The following CLN6 variants were observed in gnomAD, a reference collection of about 807,000 sequenced individuals.
CLN6 encodes the protein ceroid-lipofuscinosis neuronal protein 6.
CLN6 carries 22 observed loss-of-function variants against 33.3 expected under a neutral mutation model. The observed-to-expected ratio is 0.66, with a 90% confidence interval of 0.47 to 0.94. The LOEUF is 0.94. Ranked by LOEUF, CLN6 falls within the 40% of genes least tolerant of loss-of-function variation. CLN6 has a pLI of 0.00. For synonymous variants in CLN6, 201 were observed against 174.6 expected (o/e 1.15, Z -1.19); for missense variants, 387 against 417.1 (o/e 0.93, Z 0.63).
At chr15:68,254,460 G>A (rs912968442) in intron 1 of CLN6, 28 of 308,734 alleles carry the variant, frequency 9.1e-5, no homozygotes, top group Non-Finnish European at 1.6e-4. Context: ...ACACACTGGA[G>A]TTTGAAGACT....
intron 1 of CLN6, among the ~76,000 whole-genome samples, chr15:68,224,304 G>C (rs113483911): frequency 9.8e-4 from 135 of 137,774 alleles, no homozygotes; most frequent in Middle Eastern, 4.9e-3. Context: ...GGCACACAGA[G>C]TGGACACTCA....
rs1003606439 is a variant in CLN6 at position 68,218,610 on chromosome 15, G to C, written c.124C>G (p.Pro42Ala). 4 of 1,613,960 alleles carry C rather than the reference G, an allele frequency of 2.5e-6. No homozygotes were observed. Among genetic ancestry groups the C allele is most frequent in the Non-Finnish European group, 3.4e-6 (4 of 1,179,964 alleles). The change falls in exon 2 of 7, where the codon CCC becomes GCC. Residue 42 changes from proline (P) to alanine (A), a missense_variant. Coordinates refer to ENST00000249806, the MANE Select transcript of CLN6 (RefSeq NM_017882.3). ...TAGAACCAGAGGTCGAGGTGGAAGG[G>C]AGCCGTGCGGGCAGCCTCATCAGCG... ...VSADEAARTA[P>A]FHLDLWFYFT...
chr15:68,233,997 T>G (rs1046019139), upstream of CLN6, among the ~76,000 whole-genome samples: 1 of 152,166 alleles, frequency 6.6e-6, no homozygotes, highest in Non-Finnish European at 1.5e-5. The surrounding 1 kb of genome is among the most constrained non-coding windows in gnomAD (Gnocchi z 4.3). Flanking sequence ...CAGATTCTTG[T>G]GGTTGTGATT....
At position 68,246,024 on chromosome 15, in the gene CLN6, A is replaced by G. The variant is rs1892326537; in HGVS notation, c.179+10666T>C. Among the ~76,000 whole-genome samples the G allele has an allele frequency of 6.6e-6, 1 of 152,198 alleles. No homozygotes were observed. Among genetic ancestry groups the G allele is most frequent in the South Asian group, 2.1e-4 (1 of 4,834 alleles). ...AGTTTAGCAAGAGGATATAACAATT[A>G]TAAGTATCTATGCACTCAACACTGG... On this transcript the variant is annotated intron_variant, in intron 1 of 6. Transcript: ENST00000538696. The surrounding 1 kb of genome is among the most constrained non-coding windows in gnomAD (Gnocchi z 4.5).
At chr15:68,229,767 A>AGGCGGG, upstream of CLN6, 1 of 317,896 alleles carries the variant, frequency 3.1e-6, no homozygotes, top group African/African-American at 2.3e-5. Context: ...AGCGGAGCGG[A>AGGCGGG]GCGGAGCGGA....
chr15:68,251,800 T>C (rs1892381649), intron 1 of CLN6, among the ~76,000 whole-genome samples: 1 of 151,846 alleles, frequency 6.6e-6, no homozygotes. Flanking sequence ...ATTGCATATA[T>C]AGAAAACCTC....
At chr15:68,239,297 C>A in intron 1 of CLN6, among the ~76,000 whole-genome samples, 1 of 151,368 alleles carries the variant, frequency 6.6e-6, no homozygotes, top group East Asian at 1.9e-4. Flanking sequence ...CTAAAAGACA[C>A]ATTCTTAGAC....
intron 1 of CLN6, among the ~76,000 whole-genome samples, chr15:68,250,203 G>A (rs1892364683): frequency 6.6e-6 from 1 of 151,978 alleles, no homozygotes; most frequent in Admixed American, 6.6e-5. Context: ...ATTATCACAT[G>A]TACCCTGAAA....
chr15:68,254,019 A>G (rs1050947012), intron 1 of CLN6, among the ~76,000 whole-genome samples: 1 of 151,886 alleles, frequency 6.6e-6, no homozygotes, highest in African/African-American at 2.4e-5. Flanking sequence ...CTGGGACTAC[A>G]GGCGCCCACC....
chr15:68,211,116 T>G lies in CLN6; in HGVS notation c.542+147A>C, dbSNP rs979720182. 8 of 755,566 alleles carry G rather than the reference T, an allele frequency of 1.1e-5. No individual in the cohort carries two copies. Among genetic ancestry groups the G allele is most frequent in the Non-Finnish European group, 1.4e-5 (6 of 421,866 alleles). The allele number at this position is 755,566 out of a possible 1,614,324, so 46.8% of individuals were successfully genotyped here. A position where few individuals can be genotyped will look rare whatever the true frequency, so the allele number is the denominator to read the frequency against. On this transcript the variant is annotated intron_variant, in intron 5 of 6. Coordinates refer to ENST00000249806, the MANE Select transcript of CLN6 (RefSeq NM_017882.3). The surrounding 1 kb of genome is among the most constrained non-coding windows in gnomAD (Gnocchi z 5.9). Reference sequence around the variant, plus strand: ...ACCTCGGGGACAACTTCACTGGAGGTTGAGCTCACAGTGCCTTTACAGGGG... The same window carrying G: ...ACCTCGGGGACAACTTCACTGGAGGGTGAGCTCACAGTGCCTTTACAGGGG...
At chr15:68,237,274 G>A (rs1328310293) in intron 1 of CLN6, among the ~76,000 whole-genome samples, 2 of 150,526 alleles carry the variant, frequency 1.3e-5, no homozygotes, top group Admixed American at 6.6e-5. Flanking sequence ...GAGGCTAGGA[G>A]TTCAAGACCA....
upstream of CLN6, chr15:68,257,172 C>A (rs1217222548): frequency 6.9e-6 from 2 of 288,126 alleles, no homozygotes; most frequent in Non-Finnish European, 1.3e-5. Flanking sequence ...GCGGAACGCA[C>A]GCGCCCGGCG....
Position 68,220,988 on chromosome 15 carries a change from G to A in CLN6, c.84-2338C>T, listed in dbSNP as rs768396134. ...CCACAGGTGCATGCCACTATGCCCAGCTAATTTTATTTTATTATTATTATT... is the reference window on the plus strand; with the variant it reads ...CCACAGGTGCATGCCACTATGCCCAACTAATTTTATTTTATTATTATTATT... On this transcript the variant is annotated intron_variant, in intron 1 of 6. Coordinates refer to ENST00000249806, the MANE Select transcript of CLN6 (RefSeq NM_017882.3). This position sits in a 1 kb window ranked among gnomAD's most constrained non-coding sequence, Gnocchi z 4.2. 1.5e-5 allele frequency among the ~76,000 whole-genome samples: 2 copies of A among 134,014 alleles called. No homozygotes were observed. The highest frequency in any genetic ancestry group is 3.1e-5 in the Non-Finnish European group (2 of 63,610). 87.9% of individuals were successfully genotyped at this position (134,014 alleles called of 152,430 possible). A position where few individuals can be genotyped will look rare whatever the true frequency, so the allele number is the denominator to read the frequency against.
intron 1 of CLN6, among the ~76,000 whole-genome samples, chr15:68,251,629 C>T (rs12900265): frequency 3.9e-5 from 6 of 152,000 alleles, no homozygotes; most frequent in South Asian, 2.1e-4. Context: ...GAACCAAGAT[C>T]GCCCCACTGC....
rs527302107 is a variant in CLN6 at position 68,246,239 on chromosome 15, A to C, written c.179+10451T>G. Reference sequence around the variant, plus strand: ...TAGGCCTAACTGACGTTTACAGAACATTTCACCCAACTGCTGCAGAATACA... The same window carrying C: ...TAGGCCTAACTGACGTTTACAGAACCTTTCACCCAACTGCTGCAGAATACA... On this transcript the variant is annotated intron_variant, in intron 1 of 6. Transcript: ENST00000538696. The surrounding 1 kb of genome is among the most constrained non-coding windows in gnomAD (Gnocchi z 4.5). 4.6e-5 allele frequency among the ~76,000 whole-genome samples: 7 copies of C among 152,296 alleles called. 1 individual carries two copies. In the South Asian group the frequency reaches 1.4e-3, roughly 32 times the overall value.
In CLN6 at chr15:68,208,369, A is replaced by G; in HGVS notation, c.707T>C (p.Phe236Ser). Residue 236 changes from phenylalanine (F) to serine (S), a missense_variant, in exon 7 of 7, where the codon TTC (phenylalanine) becomes TCC (serine). Phe to Ser is a radical substitution (Grantham distance 155). Coordinates refer to ENST00000249806, the MANE Select transcript of CLN6 (RefSeq NM_017882.3). This position sits in a 1 kb window ranked among gnomAD's most constrained non-coding sequence, Gnocchi z 5.8. ...TEGQIFILFI[F>S]TFFAMLALVL... ...GAGGGCCAGCATGGCGAAGAAGGTG[A>G]AGATGAAGAGGATGAAGATCTGGCC... is the stretch of plus-strand genomic sequence containing the variant. 4 of 1,613,784 alleles carry G rather than the reference A, an allele frequency of 2.5e-6. No homozygotes were observed. Among genetic ancestry groups the G allele is most frequent in the Non-Finnish European group, 3.4e-6 (4 of 1,180,024 alleles).
Position 68,211,373 on chromosome 15 carries a change from G to A in CLN6, c.487-55C>T. ...GGGGATGTCGATGTCAGTCCAGGGA[G>A]GTGCTGGGGCCCCAAGCATCCCCTC... is the stretch of plus-strand genomic sequence containing the variant. On this transcript the variant is annotated intron_variant, in intron 4 of 6. Transcript: ENST00000249806. This position sits in a 1 kb window ranked among gnomAD's most constrained non-coding sequence, Gnocchi z 5.9. The A allele has an allele frequency of 8.1e-6, 13 of 1,602,864 alleles. No homozygotes were observed. Among genetic ancestry groups the A allele is most frequent in the Non-Finnish European group, 1.1e-5 (13 of 1,170,364 alleles).
rs907406560 is a variant in CLN6, at chr15:68,242,771, C to G, written c.179+13919G>C. On this transcript the variant is annotated intron_variant, in intron 1 of 6. Coordinates refer to the CLN6 transcript ENST00000538696. This position sits in a 1 kb window ranked among gnomAD's most constrained non-coding sequence, Gnocchi z 5.0. The stretch of plus-strand genomic sequence containing the variant: ...TAAATGCTTTAAGGTCAAACTGTTT[C>G]TTTGACTTTTGAAAATGGTTTGATT... Among the ~76,000 whole-genome samples, 3 of 152,146 alleles carry G rather than the reference C, an allele frequency of 2.0e-5. No homozygotes were observed. The highest frequency in any genetic ancestry group is 7.2e-5 in the African/African-American group (3 of 41,440).
chr15:68,246,104 TAATACAATA>T lies in CLN6; in HGVS notation c.179+10577_179+10585del, dbSNP rs1892327187. 4.6e-5 allele frequency among the ~76,000 whole-genome samples: 7 copies of T among 152,090 alleles called. No homozygotes were observed. Among genetic ancestry groups the T allele is most frequent in the Non-Finnish European group, 1.0e-4 (7 of 68,022 alleles). On this transcript the variant is annotated intron_variant, in intron 1 of 6. Transcript: ENST00000538696. This position sits in a 1 kb window ranked among gnomAD's most constrained non-coding sequence, Gnocchi z 4.5. ...TCAACCTAAAGGCAGAGATAGACTG[TAATACAATA>T]CAGTAGGGGACTTCAACACCCCACT...
Sources: gnomAD v4.1 joint callset for allele counts (sites outside exome capture counted in the v4.1 genomes callset) on GRCh38, gnomAD v4.1.1 for gene constraint, Gnocchi (gnomAD v3.1) non-coding constraint, MANE v1.5 for transcripts, NCBI Gene and HGNC (gene_info 2026-07-23, HGNC 2026-07-21) for gene names.